The following KIF6 variants were observed in gnomAD, a reference collection of about 807,000 sequenced individuals.
KIF6 encodes the protein kinesin family member 6.
KIF6 carries 106 observed loss-of-function variants against 112.7 expected under a neutral mutation model. That is an observed-to-expected ratio of 0.94 (90% CI 0.80 to 1.11). The LOEUF is 1.11. Among genes scored for constraint, KIF6 ranks in the 50% least tolerant of loss-of-function variants. KIF6 has a pLI of 0.00. For synonymous variants in KIF6, 339 were observed against 339.9 expected, an observed-to-expected ratio of 1.00 and a Z score of 0.03; for missense variants, 929 against 964.0, an observed-to-expected ratio of 0.96 and a Z score of 0.48.
At chr6:39,460,355 C>T (rs1402967985) in intron 13 of KIF6, among the ~76,000 whole-genome samples, 1 of 97,474 alleles carries the variant, frequency 1.0e-5, no homozygotes, top group Non-Finnish European at 1.9e-5. Flanking sequence ...AGGGGAATAT[C>T]ACACTCCGGG....
At chr6:39,502,757 C>A (rs139313595) in intron 13 of KIF6, among the ~76,000 whole-genome samples, 1 of 152,114 alleles carries the variant, frequency 6.6e-6, no homozygotes, top group Non-Finnish European at 1.5e-5. Context: ...AAGGGCATTA[C>A]GTAATGGTTA....
chr6:39,375,144 G>T (rs986812392), intron 16 of KIF6, among the ~76,000 whole-genome samples: 1 of 152,324 alleles, frequency 6.6e-6, no homozygotes, highest in Non-Finnish European at 1.5e-5. Flanking sequence ...TCTCACTTAT[G>T]TGAGAATCTG....
At chr6:39,720,593 G>T in intron 2 of KIF6, 109 bp downstream of exon 2, 1 of 658,882 alleles carries the variant, frequency 1.5e-6, no homozygotes. Flanking sequence ...GAGCTGCGTT[G>T]CATTTTCCAC....
intron 19 of KIF6, among the ~76,000 whole-genome samples, chr6:39,356,944 C>T (rs1004661843): frequency 1.3e-5 from 2 of 152,172 alleles, no homozygotes; most frequent in African/African-American, 4.8e-5. Flanking sequence ...CCCCAAACCC[C>T]CTTCTCCCAT....
intron 13 of KIF6, among the ~76,000 whole-genome samples, chr6:39,498,349 CT>C (rs1775906662): frequency 6.6e-6 from 1 of 152,158 alleles, no homozygotes; most frequent in Non-Finnish European, 1.5e-5. Context: ...TCCTTCTCCC[CT>C]AGGTGACAGA....
chr6:39,446,794 T>C (rs927431536), intron 13 of KIF6, among the ~76,000 whole-genome samples: 4 of 152,218 alleles, frequency 2.6e-5, no homozygotes, highest in Admixed American at 1.3e-4. Context: ...CTGGCCAAAA[T>C]TGTTTTTCTT....
intron 12 of KIF6, among the ~76,000 whole-genome samples, chr6:39,540,675 G>T (rs751053265): frequency 6.6e-6 from 1 of 152,238 alleles, no homozygotes; most frequent in Non-Finnish European, 1.5e-5. Flanking sequence ...AACCCACCCG[G>T]CTGGCAGATC....
At chr6:39,676,859 A>AG (rs1332988305) in intron 3 of KIF6, among the ~76,000 whole-genome samples, 2 of 152,096 alleles carry the variant, frequency 1.3e-5, no homozygotes, top group Non-Finnish European at 2.9e-5. Flanking sequence ...ACAGAAAAAA[A>AG]GGTTAAATTG....
chr6:39,419,928 A>G lies in KIF6; in HGVS notation c.1810+20T>C. 6.2e-7 allele frequency: 1 copy of G among 1,600,386 alleles called. No individual in the cohort carries two copies. The highest frequency in any genetic ancestry group is 8.6e-7 in the Non-Finnish European group (1 of 1,167,408). On this transcript the variant is annotated intron_variant, in intron 15 of 22. Transcript: ENST00000287152. ...GGAAAATGGTTTCTGAAAGAGGCTC[A>G]CAGAATATCATCTGCTTACCAATTT...
Position 39,724,011 on chromosome 6 carries a change from C to G in KIF6, c.66+1234G>C, listed in dbSNP as rs1582539057. Among the ~76,000 whole-genome samples, 3 of 152,150 alleles carry G rather than the reference C, an allele frequency of 2.0e-5. No homozygotes were observed. In the South Asian group the frequency reaches 6.2e-4, roughly 32 times the overall value. Reference sequence around the variant, plus strand: ...ACTCAGTTTCCTAATCTGTAAAATGCGGAAAATGACACCAACCTTGCAGGG... The same window carrying G: ...ACTCAGTTTCCTAATCTGTAAAATGGGGAAAATGACACCAACCTTGCAGGG... On this transcript the variant is annotated intron_variant, in intron 1 of 22. Transcript: ENST00000287152.
intron 13 of KIF6, among the ~76,000 whole-genome samples, chr6:39,437,301 T>G (rs1771592806): frequency 6.6e-6 from 1 of 152,210 alleles, no homozygotes; most frequent in Admixed American, 6.5e-5. Flanking sequence ...TATAAGATCA[T>G]ATCATTGGCA....
intron 15 of KIF6, among the ~76,000 whole-genome samples, chr6:39,407,730 A>G (rs561762406): frequency 4.6e-5 from 7 of 152,338 alleles, no homozygotes; most frequent in Admixed American, 3.9e-4. Context: ...AACCATCTGT[A>G]TGCAGGAGTC....
intron 3 of KIF6, among the ~76,000 whole-genome samples, chr6:39,711,193 G>GA (rs914442680): frequency 1.2e-4 from 9 of 73,204 alleles, no homozygotes; most frequent in Non-Finnish European, 1.9e-4. Flanking sequence ...AAGAATACAT[G>GA]AAAAAAAAAT....
intron 3 of KIF6, among the ~76,000 whole-genome samples, chr6:39,651,478 G>A (rs376611129): frequency 9.5e-4 from 144 of 152,212 alleles, no homozygotes; most frequent in African/African-American, 2.9e-3. Flanking sequence ...AGGAAAATGC[G>A]TTTCCCTAAC....
chr6:39,416,488 T>C lies in KIF6; in HGVS notation c.1810+3460A>G, dbSNP rs1344386192. On this transcript the variant is annotated intron_variant, in intron 15 of 22. Transcript: ENST00000287152. ...ACAGAAACACAGACTCTTATTATTT[T>C]TCAGGGAGATTTTAAATTGGTTACT... Among the ~76,000 whole-genome samples the C allele has an allele frequency of 2.0e-5, 3 of 152,194 alleles. No individual in the cohort carries two copies. The East Asian group carries it at 5.8e-4, about 29-fold the overall frequency.
chr6:39,464,765 G>A (rs77391454), intron 13 of KIF6, among the ~76,000 whole-genome samples: 1,700 of 152,242 alleles, frequency 0.011, 41 homozygotes, highest in African/African-American at 0.039. Flanking sequence ...TCTTGACTAT[G>A]AGAGATCAGC....
chr6:39,714,803 A>T (rs747737692), intron 2 of KIF6, 37 bp from the exon 3 acceptor site: 3 of 1,240,426 alleles, frequency 2.4e-6, no homozygotes, highest in Non-Finnish European at 3.6e-6. Context: ...TAAAAGCTGC[A>T]CCTCCAAACA....
At chr6:39,535,560 A>G (rs560551972) in intron 13 of KIF6, among the ~76,000 whole-genome samples, 7 of 152,358 alleles carry the variant, frequency 4.6e-5, no homozygotes, top group African/African-American at 1.7e-4. Flanking sequence ...CAGATGCATA[A>G]AGCAAGTCCT....
Position 39,675,526 on chromosome 6 carries a change from C to T in KIF6, c.252-35769G>A, listed in dbSNP as rs145197846. On this transcript the variant is annotated intron_variant, in intron 3 of 22. Coordinates refer to ENST00000287152, the MANE Select transcript of KIF6 (RefSeq NM_145027.6). ...TAAATCTACTCTATAGTGATGTGCC[C>T]ATAAACTAGCAGAACAGGACTCCAG... Among the ~76,000 whole-genome samples, 21 of 152,112 alleles carry T rather than the reference C, an allele frequency of 1.4e-4. No homozygotes were observed. In the East Asian group the frequency reaches 3.7e-3, roughly 27 times the overall value.
Sources: gnomAD v4.1 joint callset for allele counts (sites outside exome capture counted in the v4.1 genomes callset) on GRCh38, gnomAD v4.1.1 for gene constraint, MANE v1.5 for transcripts, NCBI Gene and HGNC (gene_info 2026-07-23, HGNC 2026-07-21) for gene names.